BCL2: variants seen among roughly 807,000 people sequenced by gnomAD.
The protein encoded by BCL2 is apoptosis regulator Bcl-2.
BCL2 carries 1 observed loss-of-function variant against 14.2 expected under a neutral mutation model. That is an observed-to-expected ratio of 0.07 (90% CI 0.02 to 0.33). BCL2 has a LOEUF of 0.33. BCL2 is among the 10% of genes least tolerant of loss of function. The pLI is 0.99. For synonymous variants in BCL2, 151 were observed against 137.2 expected, an observed-to-expected ratio of 1.10 and a Z score of -0.70; for missense variants, 247 against 305.9, an observed-to-expected ratio of 0.81 and a Z score of 1.44.
At chr18:63,158,428 C>T (rs980934238) in intron 2 of BCL2, among the ~76,000 whole-genome samples, 11 of 152,104 alleles carry the variant, frequency 7.2e-5, no homozygotes, top group South Asian at 4.2e-4. Flanking sequence ...GGCTGTCACA[C>T]GCTCTCCTCC....
chr18:63,299,340 T>C (rs1912890954), intron 2 of BCL2, among the ~76,000 whole-genome samples: 2 of 152,250 alleles, frequency 1.3e-5, no homozygotes, highest in Admixed American at 1.3e-4. Flanking sequence ...GTGCACAATC[T>C]TGTTGATTCT....
chr18:63,300,875 T>G (rs1283209788), intron 2 of BCL2, among the ~76,000 whole-genome samples: 1 of 152,212 alleles, frequency 6.6e-6, no homozygotes, highest in Non-Finnish European at 1.5e-5. Flanking sequence ...AATAATTCTT[T>G]GAATAATTTA....
chr18:63,271,151 A>G (rs985967483), intron 2 of BCL2, among the ~76,000 whole-genome samples: 1 of 152,252 alleles, frequency 6.6e-6, no homozygotes, highest in Non-Finnish European at 1.5e-5. Flanking sequence ...ACACCAAAAT[A>G]GTTAGGCCAA....
At position 63,254,225 on chromosome 18, in the gene BCL2, C is replaced by T. The variant is rs180820513; in HGVS notation, c.585+63857G>A. Among the ~76,000 whole-genome samples, 3 of 151,784 alleles carry T rather than the reference C, an allele frequency of 2.0e-5. No individual in the cohort carries two copies. In the East Asian group the frequency reaches 5.8e-4, roughly 29 times the overall value. On this transcript the variant is annotated intron_variant, in intron 2 of 2. Transcript: ENST00000333681. ...TGGCCGTGTAAACAACATGACTGGA[C>T]AAAACCAAAAATGTGCTTAGACAGA...
intron 2 of BCL2, among the ~76,000 whole-genome samples, chr18:63,194,150 G>T (rs1298063606): frequency 6.6e-6 from 1 of 152,026 alleles, no homozygotes; most frequent in African/African-American, 2.4e-5. Flanking sequence ...TGGAATTTTT[G>T]TCTATTTGTT....
rs553677016 is a variant in BCL2 at position 63,187,928 on chromosome 18, A to C, written c.586-59169T>G. On this transcript the variant is annotated intron_variant, in intron 2 of 2. Transcript: ENST00000333681. ...CCCATTTGAACCAGGTCCAGCTCTG[A>C]AAGCTGGAGCAGTCTTCAGATGGCA... Among the ~76,000 whole-genome samples, 210 of 152,346 alleles carry C rather than the reference A, an allele frequency of 1.4e-3. 1 individual carries two copies. Among genetic ancestry groups the C allele is most frequent in the Middle Eastern group, 3.4e-3 (1 of 294 alleles).
chr18:63,157,865 G>A (rs1174699732), intron 2 of BCL2, among the ~76,000 whole-genome samples: 2 of 152,212 alleles, frequency 1.3e-5, no homozygotes, highest in Non-Finnish European at 2.9e-5. Flanking sequence ...CACCTGTCCG[G>A]TTTCAGAGTG....
intron 2 of BCL2, among the ~76,000 whole-genome samples, chr18:63,181,275 G>A (rs756408702): frequency 8.5e-5 from 13 of 152,166 alleles, no homozygotes; most frequent in Non-Finnish European, 5.9e-5. Context: ...GCCCTGGCAC[G>A]CCTCGCATAC....
At position 63,212,186 on chromosome 18, in the gene BCL2, C is replaced by T. The variant is rs938505387; in HGVS notation, c.586-83427G>A. Reference sequence around the variant, plus strand: ...ACTAAAAATACAAAAATTAGCTGGGCGTGGTGGCGGGCGCCTGTAGTCCCA... The same window carrying T: ...ACTAAAAATACAAAAATTAGCTGGGTGTGGTGGCGGGCGCCTGTAGTCCCA... On this transcript the variant is annotated intron_variant, in intron 2 of 2. Coordinates refer to ENST00000333681, the MANE Select transcript of BCL2 (RefSeq NM_000633.3). Among the ~76,000 whole-genome samples, 13 of 150,780 alleles carry T rather than the reference C, an allele frequency of 8.6e-5. 1 individual carries two copies. The East Asian group carries it at 9.8e-4, about 11-fold the overall frequency.
Position 63,247,090 on chromosome 18 carries a change from C to T in BCL2, c.585+70992G>A, listed in dbSNP as rs142435195. On this transcript the variant is annotated intron_variant, in intron 2 of 2. Transcript: ENST00000333681. Reference sequence around the variant, plus strand: ...CATGATTCCTATTGAATTTTCTGACCGGGCTAGAAAGAGATCAGTAGGCAG... The same window carrying T: ...CATGATTCCTATTGAATTTTCTGACTGGGCTAGAAAGAGATCAGTAGGCAG... 2.1e-3 allele frequency among the ~76,000 whole-genome samples: 323 copies of T among 152,166 alleles called. 2 individuals carry two copies. The highest frequency in any genetic ancestry group is 5.9e-3 in the African/African-American group (243 of 41,510).
At position 63,242,311 on chromosome 18, in the gene BCL2, C is replaced by G. The variant is rs1431090576; in HGVS notation, c.585+75771G>C. On this transcript the variant is annotated intron_variant, in intron 2 of 2. Transcript: ENST00000333681. ...ACCCATGTGACATGAGGCAGATTAT[C>G]TGACTTCAATGTCACTTGATGTCCT... is the stretch of plus-strand genomic sequence containing the variant. Among the ~76,000 whole-genome samples the G allele has an allele frequency of 2.6e-5, 4 of 152,208 alleles. 1 individual carries two copies. The highest frequency in any genetic ancestry group is 5.9e-5 in the Non-Finnish European group (4 of 68,032).
intron 2 of BCL2, among the ~76,000 whole-genome samples, chr18:63,152,544 A>G (rs1914675070): frequency 6.6e-6 from 1 of 152,266 alleles, no homozygotes; most frequent in African/African-American, 2.4e-5. Context: ...AACAGACATG[A>G]CAATGACCAA....
intron 2 of BCL2, among the ~76,000 whole-genome samples, chr18:63,294,880 G>T (rs1428899602): frequency 6.6e-6 from 1 of 151,944 alleles, no homozygotes; most frequent in Non-Finnish European, 1.5e-5. Flanking sequence ...TTATAATTTG[G>T]CTGAGTTCGG....
intron 2 of BCL2, among the ~76,000 whole-genome samples, chr18:63,301,623 C>T (rs1268061210): frequency 1.3e-5 from 2 of 152,164 alleles, no homozygotes; most frequent in Non-Finnish European, 1.5e-5. Flanking sequence ...TCTCCGAAGG[C>T]GCTAATGTAT....
chr18:63,295,866 T>C (rs1912782876), intron 2 of BCL2, among the ~76,000 whole-genome samples: 1 of 152,176 alleles, frequency 6.6e-6, no homozygotes, highest in African/African-American at 2.4e-5. Context: ...GTCTCAGGAT[T>C]TTCTGACAGG....
chr18:63,141,309 T>C (rs146442302), intron 2 of BCL2, among the ~76,000 whole-genome samples: 1 of 152,286 alleles, frequency 6.6e-6, no homozygotes, highest in Non-Finnish European at 1.5e-5. Context: ...GATCTCCTGC[T>C]TCCTCTCTGT....
rs5825508 is a variant in BCL2, at chr18:63,127,034, A to AT, written c.*1590dup. On this transcript the variant is annotated 3_prime_UTR_variant, in exon 3 of 3. Transcript: ENST00000333681. The stretch of plus-strand genomic sequence containing the variant: ...ACTTCTTTATAGTTCCCCACCATTG[A>AT]TTTTTTTTTTAATGCCCCAGGATGT... 1,170 of 207,916 alleles carry AT rather than the reference A, an allele frequency of 5.6e-3. No homozygotes were observed. The highest frequency in any genetic ancestry group is 0.019 in the Middle Eastern group (12 of 644). 12.9% of individuals were successfully genotyped at this position (207,916 alleles called of 1,614,324 possible).
chr18:63,256,612 T>G (rs1911484314), intron 2 of BCL2, among the ~76,000 whole-genome samples: 1 of 152,196 alleles, frequency 6.6e-6, no homozygotes. Context: ...CTTAAATTCA[T>G]GCCCAACACA....
intron 2 of BCL2, among the ~76,000 whole-genome samples, chr18:63,166,095 G>A (rs1915037775): frequency 6.6e-6 from 1 of 152,228 alleles, no homozygotes; most frequent in Non-Finnish European, 1.5e-5. Flanking sequence ...AGGACCAGCT[G>A]CTGGCTGGCT....
Sources: gnomAD v4.1 joint callset for allele counts (sites outside exome capture counted in the v4.1 genomes callset) on GRCh38, gnomAD v4.1.1 for gene constraint, MANE v1.5 for transcripts, NCBI Gene and HGNC (gene_info 2026-07-23, HGNC 2026-07-21) for gene names.